Variants in LPP observed in about 807,000 individuals in gnomAD.
LPP encodes the protein LIM domain containing preferred translocation partner in lipoma, also known as lipoma-preferred partner.
LPP carries 38 observed loss-of-function variants against 60.4 expected under a neutral mutation model. The observed-to-expected ratio is 0.63, with a 90% confidence interval of 0.49 to 0.83. The LOEUF is 0.83. LPP is among the 40% of genes least tolerant of loss of function. The pLI, the probability that LPP is intolerant of heterozygous loss-of-function variation, is 0.00. For missense variants in LPP, 902 were observed against 783.6 expected, an observed-to-expected ratio of 1.15 and a Z score of -1.80; for synonymous variants, 328 against 290.8, an observed-to-expected ratio of 1.13 and a Z score of -1.30.
chr3:188,486,401 A>G (rs144800417), intron 5 of LPP, among the ~76,000 whole-genome samples: 36 of 152,294 alleles, frequency 2.4e-4, no homozygotes, highest in Non-Finnish European at 2.9e-5. Context: ...TAGTGGAAAT[A>G]AACAAGATAC....
intron 8 of LPP, among the ~76,000 whole-genome samples, chr3:188,717,629 A>G (rs1389928572): frequency 1.3e-5 from 2 of 151,954 alleles, no homozygotes; most frequent in Non-Finnish European, 2.9e-5. Flanking sequence ...GGTATCTTTG[A>G]GTTGTGGGAA....
At chr3:188,576,094 A>G (rs1834552108) in intron 6 of LPP, among the ~76,000 whole-genome samples, 1 of 152,106 alleles carries the variant, frequency 6.6e-6, no homozygotes, top group Non-Finnish European at 1.5e-5. Context: ...TCTCTATTTT[A>G]GTATTTCTTA....
chr3:188,509,926 C>T (rs1172504615), intron 5 of LPP, among the ~76,000 whole-genome samples: 3 of 125,350 alleles, frequency 2.4e-5, no homozygotes, highest in African/African-American at 8.9e-5. Flanking sequence ...ACCATGTTGG[C>T]CAGGCTGGTC....
intron 8 of LPP, among the ~76,000 whole-genome samples, chr3:188,754,345 G>A (rs1729439268): frequency 6.6e-6 from 1 of 152,172 alleles, no homozygotes; most frequent in Non-Finnish European, 1.5e-5. Flanking sequence ...AAAATATAAA[G>A]ATAGCATTAG....
chr3:188,311,788 G>A (rs368889981), intron 2 of LPP, among the ~76,000 whole-genome samples: 16 of 151,810 alleles, frequency 1.1e-4, no homozygotes, highest in African/African-American at 3.4e-4. Flanking sequence ...ACAGGCACCC[G>A]CTGCTATGCC....
At chr3:188,491,722 A>G (rs1420555373) in intron 5 of LPP, among the ~76,000 whole-genome samples, 1 of 152,154 alleles carries the variant, frequency 6.6e-6, no homozygotes, top group African/African-American at 2.4e-5. Context: ...AGCGAATGTC[A>G]CAGTTTTCCT....
intron 3 of LPP, among the ~76,000 whole-genome samples, chr3:188,346,726 G>A (rs1462466218): frequency 2.0e-5 from 3 of 152,170 alleles, no homozygotes; most frequent in Non-Finnish European, 4.4e-5. Flanking sequence ...CTATCAACAA[G>A]TTTAGGAGGT....
chr3:188,734,552 A>T (rs1265381265), intron 8 of LPP, among the ~76,000 whole-genome samples: 1 of 152,224 alleles, frequency 6.6e-6, no homozygotes, highest in African/African-American at 2.4e-5. Flanking sequence ...CTCAGGGAGC[A>T]ACAAAGAGTT....
chr3:188,252,347 CCTT>C (rs141374719), intron 2 of LPP, among the ~76,000 whole-genome samples: 2,299 of 127,618 alleles, frequency 0.018, 59 homozygotes, highest in African/African-American at 0.06. Flanking sequence ...TCCCTTTCCC[CCTT>C]CTTCCGTTTT....
chr3:188,407,784 G>GTTTTTTTTTTTTTTTTTTTT (rs1397646143), intron 4 of LPP, among the ~76,000 whole-genome samples: 2 of 114,822 alleles, frequency 1.7e-5, no homozygotes, highest in East Asian at 2.5e-4. Context: ...TTTTTTGTTT[G>GTTTTTTTTTTTTTTTTTTTT]TTTGTTTTTT....
At position 188,186,068 on chromosome 3, in the gene LPP, G is replaced by A. The variant is rs554875092; in HGVS notation, c.-190+31816G>A. On this transcript the variant is annotated intron_variant, in intron 1 of 11. Transcript: ENST00000617246. ...TTCAGGGCACAGGTTGGGCTTGCCCGGAGCCATAGTTCTTGAGACTTAACC... is the reference window on the plus strand; with the variant it reads ...TTCAGGGCACAGGTTGGGCTTGCCCAGAGCCATAGTTCTTGAGACTTAACC... Among the ~76,000 whole-genome samples, 4 of 151,996 alleles carry A rather than the reference G, an allele frequency of 2.6e-5. No homozygotes were observed. The South Asian group carries it at 6.2e-4, about 24-fold the overall frequency.
At chr3:188,553,188 T>C (rs1402239748) in intron 6 of LPP, among the ~76,000 whole-genome samples, 1 of 152,166 alleles carries the variant, frequency 6.6e-6, no homozygotes, top group Non-Finnish European at 1.5e-5. Context: ...TGAAGACTAT[T>C]TTTTGACTCA....
chr3:188,231,937 A>G (rs1395945065), intron 2 of LPP, among the ~76,000 whole-genome samples: 1 of 152,156 alleles, frequency 6.6e-6, no homozygotes, highest in Non-Finnish European at 1.5e-5. Context: ...CAGACAGTGT[A>G]TCTCTGCAGT....
chr3:188,437,893 C>G (rs1792747048), intron 4 of LPP, among the ~76,000 whole-genome samples: 1 of 152,162 alleles, frequency 6.6e-6, no homozygotes, highest in Admixed American at 6.5e-5. Flanking sequence ...CTATGTATCC[C>G]TTTAATTAAA....
intron 1 of LPP, chr3:188,180,656 C>T (rs997405599): frequency 2.6e-5 from 4 of 153,890 alleles, no homozygotes; most frequent in Admixed American, 6.5e-5. Flanking sequence ...GCATTGTTTA[C>T]GTTTCTAATA....
chr3:188,613,447 C>T (rs1412053774), intron 7 of LPP, among the ~76,000 whole-genome samples: 1 of 151,948 alleles, frequency 6.6e-6, no homozygotes, highest in African/African-American at 2.4e-5. Context: ...ACTTTAGCCT[C>T]CAATTATCAT....
At chr3:188,566,927 T>C (rs914809624) in intron 6 of LPP, among the ~76,000 whole-genome samples, 1 of 151,856 alleles carries the variant, frequency 6.6e-6, no homozygotes, top group African/African-American at 2.4e-5. Flanking sequence ...TTTAGAAAAC[T>C]TAAAAGCAAA....
At chr3:188,223,403 G>T (rs766499650) in intron 1 of LPP, among the ~76,000 whole-genome samples, 5 of 152,100 alleles carry the variant, frequency 3.3e-5, no homozygotes, top group Non-Finnish European at 7.4e-5. Context: ...AACTTACCAC[G>T]AAATTGAGAA....
intron 5 of LPP, among the ~76,000 whole-genome samples, chr3:188,514,286 C>T (rs553910884): frequency 6.6e-6 from 1 of 152,022 alleles, no homozygotes; most frequent in Non-Finnish European, 1.5e-5. Context: ...CTCTGCTTCT[C>T]TAGTGTTCGC....
Sources: allele counts gnomAD v4.1 joint callset (sites outside exome capture counted in the v4.1 genomes callset), GRCh38; gene constraint gnomAD v4.1.1; transcripts MANE v1.5; gene names NCBI Gene and HGNC (gene_info 2026-07-23, HGNC 2026-07-21).